The following NDUFAF6 variants were observed in gnomAD, a reference collection of about 807,000 sequenced individuals.
The protein encoded by NDUFAF6 is NADH:ubiquinone oxidoreductase complex assembly factor 6, also known as NADH dehydrogenase (ubiquinone) complex I, assembly factor 6.
In NDUFAF6, 45 loss-of-function variants were observed where a neutral mutation model predicts 40.8. The observed-to-expected ratio is 1.10, with a 90% CI of 0.87 to 1.42. The LOEUF (loss-of-function observed/expected upper bound fraction) is 1.42. Ranked by LOEUF, NDUFAF6 falls within the 40% of genes most tolerant of loss-of-function variation. The pLI is 0.00. For missense variants in NDUFAF6, 435 were observed against 418.5 expected (o/e 1.04, Z -0.34); for synonymous variants, 185 against 155.9 (o/e 1.19, Z -1.39).
chr8:94,985,781 G>A lies in NDUFAF6; in HGVS notation c.-84+4808G>A, dbSNP rs180966601. Among the ~76,000 whole-genome samples, 1,122 of 150,734 alleles carry A rather than the reference G, an allele frequency of 7.4e-3. 17 individuals carry two copies. The highest frequency in any genetic ancestry group is 0.025 in the African/African-American group (1,024 of 41,158). ...AAATGCCTGACCTTGTGATTTGCCC[G>A]CCTTGGCGTCCCAAAGTGCTGGGAT... On this transcript the variant is annotated intron_variant, in intron 2 of 9. Transcript: ENST00000396111.
chr8:94,932,904 A>G (rs1430877600), intron 1 of NDUFAF6, among the ~76,000 whole-genome samples: 1 of 152,250 alleles, frequency 6.6e-6, no homozygotes, highest in Non-Finnish European at 1.5e-5. Context: ...CCTGTGTACA[A>G]AAAGGATTCA....
intron 1 of NDUFAF6, among the ~76,000 whole-genome samples, chr8:95,031,307 A>C (rs1049663488): frequency 2.6e-5 from 4 of 152,202 alleles, no homozygotes; most frequent in African/African-American, 9.7e-5. Context: ...ACACAGTCCT[A>C]CATGAATTTC....
At chr8:95,088,284 A>G (rs1390851840) in intron 2 of NDUFAF6, among the ~76,000 whole-genome samples, 2 of 152,216 alleles carry the variant, frequency 1.3e-5, no homozygotes, top group South Asian at 2.1e-4. Flanking sequence ...AGTGACAGAT[A>G]TGCCCATTGG....
chr8:95,111,725 A>T (rs1810004195), intron 4 of NDUFAF6, among the ~76,000 whole-genome samples: 1 of 152,172 alleles, frequency 6.6e-6, no homozygotes, highest in South Asian at 2.1e-4. Flanking sequence ...CACCTCTAAC[A>T]ATAACCAAAG....
chr8:94,981,134 TGATTAGATG>T (rs1187672067), intron 2 of NDUFAF6, among the ~76,000 whole-genome samples: 1 of 152,224 alleles, frequency 6.6e-6, no homozygotes, highest in African/African-American at 2.4e-5. Context: ...CTTTAAGAGA[TGATTAGATG>T]GTTAAGAGGG....
intron 2 of NDUFAF6, among the ~76,000 whole-genome samples, chr8:95,092,183 A>ATT (rs10689536): frequency 0.69 from 97,795 of 142,346 alleles, 34,030 homozygotes; most frequent in East Asian, 0.88. Flanking sequence ...CTTTGACACA[A>ATT]TTTTTTTTTT....
chr8:95,053,793 T>G (rs1176389470), intron 8 of NDUFAF6, among the ~76,000 whole-genome samples: 1 of 151,822 alleles, frequency 6.6e-6, no homozygotes, highest in African/African-American at 2.4e-5. Context: ...GCCTGGCTGA[T>G]TTTTTTGTAT....
intron 1 of NDUFAF6, among the ~76,000 whole-genome samples, chr8:94,963,124 T>C (rs1385133837): frequency 2.6e-5 from 4 of 152,010 alleles, no homozygotes; most frequent in Non-Finnish European, 4.4e-5. Context: ...GAAAAAAAAA[T>C]CACTAACTAT....
intron 2 of NDUFAF6, among the ~76,000 whole-genome samples, chr8:94,987,876 C>T (rs983498516): frequency 8.5e-5 from 13 of 152,186 alleles, no homozygotes; most frequent in African/African-American, 3.1e-4. Context: ...TCCAATGCTT[C>T]TGGGTTAATT....
chr8:95,093,015 A>G (rs548885648), intron 2 of NDUFAF6, among the ~76,000 whole-genome samples: 4 of 152,286 alleles, frequency 2.6e-5, no homozygotes, highest in Non-Finnish European at 4.4e-5. Context: ...AATCTGAATT[A>G]TAGAAAACAT....
chr8:94,994,317 G>A (rs903288041), intron 2 of NDUFAF6, among the ~76,000 whole-genome samples: 10 of 151,928 alleles, frequency 6.6e-5, no homozygotes, highest in East Asian at 1.9e-4. Context: ...TTGGGAGGCC[G>A]AGGCGAGTGG....
intron 1 of NDUFAF6, among the ~76,000 whole-genome samples, chr8:94,897,548 G>A (rs1817716603): frequency 6.6e-6 from 1 of 151,976 alleles, no homozygotes; most frequent in Admixed American, 6.6e-5. Context: ...AAAACACCAT[G>A]GTAAATAAAC....
intron 3 of NDUFAF6, among the ~76,000 whole-genome samples, chr8:95,036,975 G>C (rs527256314): frequency 1.3e-5 from 2 of 152,314 alleles, no homozygotes; most frequent in Non-Finnish European, 2.9e-5. Context: ...AGCATATGGG[G>C]CATATTGGGT....
intron 1 of NDUFAF6, among the ~76,000 whole-genome samples, chr8:94,918,801 T>C (rs144226737): frequency 6.6e-6 from 1 of 152,334 alleles, no homozygotes; most frequent in Admixed American, 6.5e-5. Context: ...TTCCAACCCA[T>C]TCCCTGTGTT....
chr8:94,956,546 A>G (rs1047248539), upstream of NDUFAF6, among the ~76,000 whole-genome samples: 3 of 152,188 alleles, frequency 2.0e-5, no homozygotes, highest in African/African-American at 7.2e-5. Context: ...GAACATGCAA[A>G]CCAGAATGAA....
intron 2 of NDUFAF6, among the ~76,000 whole-genome samples, chr8:94,999,355 C>T (rs1480038430): frequency 6.6e-6 from 1 of 152,240 alleles, no homozygotes; most frequent in Non-Finnish European, 1.5e-5. Context: ...ATCTCTTGAC[C>T]TCATGATATG....
intron 4 of NDUFAF6, among the ~76,000 whole-genome samples, chr8:95,113,529 G>A (rs1369824886): frequency 1.3e-5 from 2 of 152,200 alleles, no homozygotes; most frequent in African/African-American, 4.8e-5. Flanking sequence ...TCCGGGAGGT[G>A]AGAACTTGGC....
chr8:95,087,436 T>C (rs1809089500), intron 2 of NDUFAF6, among the ~76,000 whole-genome samples: 2 of 152,240 alleles, frequency 1.3e-5, no homozygotes, highest in Non-Finnish European at 2.9e-5. Context: ...CCTGGGACTT[T>C]TTTTCATCCC....
chr8:95,071,259 A>G (rs1162513985), intron 9 of NDUFAF6, among the ~76,000 whole-genome samples: 9 of 151,210 alleles, frequency 6.0e-5, no homozygotes, highest in African/African-American at 1.2e-4. Context: ...TTAGCCGGGC[A>G]TTGTGGCGGG....
Sources: gnomAD v4.1 joint callset for allele counts (sites outside exome capture counted in the v4.1 genomes callset) on GRCh38, gnomAD v4.1.1 for gene constraint, MANE v1.5 for transcripts, NCBI Gene and HGNC (gene_info 2026-07-23, HGNC 2026-07-21) for gene names.